Variants in ABCC1 observed in about 807,000 individuals in gnomAD.
The protein encoded by ABCC1 is ATP binding cassette subfamily C member 1 (ABCC1 blood group).
A neutral mutation model predicts 172.9 loss-of-function variants in ABCC1; 83 were observed. The ratio of observed to expected loss-of-function variants is 0.48; its 90% CI spans 0.40 to 0.58. The LOEUF (loss-of-function observed/expected upper bound fraction) is 0.58. Among genes scored for constraint, ABCC1 ranks in the 20% least tolerant of loss-of-function variants. The pLI is 0.00. For synonymous variants in ABCC1, 937 were observed against 825.2 expected (o/e 1.14, Z -2.32); for missense variants, 1,817 against 2,002.7 (o/e 0.91, Z 1.77).
chr16:16,052,587 T>G, intron 10 of ABCC1, 137 bp from the exon 11 acceptor site: 2 of 710,364 alleles, frequency 2.8e-6, no homozygotes, highest in Non-Finnish European at 4.9e-6. Context: ...TAACACCCTA[T>G]TGTGGGGTAA....
At chr16:16,007,472 A>G (rs779076834) in intron 1 of ABCC1, among the ~76,000 whole-genome samples, 1 of 152,062 alleles carries the variant, frequency 6.6e-6, no homozygotes, top group Non-Finnish European at 1.5e-5. Flanking sequence ...TGGTCTGCCC[A>G]CTTGGCCTCC....
chr16:16,131,962 A>C, intron 27 of ABCC1, 27 bp downstream of exon 27: 1 of 1,600,906 alleles, frequency 6.2e-7, no homozygotes, highest in Non-Finnish European at 8.5e-7. Context: ...CCATTCCCTC[A>C]CCCATTCCCA....
intron 15 of ABCC1, 109 bp from the exon 16 acceptor site, chr16:16,079,243 C>T: frequency 1.3e-6 from 2 of 1,502,356 alleles, no homozygotes; most frequent in Non-Finnish European, 1.8e-6. Context: ...GTCTTGCCTT[C>T]TGTCTTTCTC....
intron 19 of ABCC1, among the ~76,000 whole-genome samples, 175 bp from the exon 20 acceptor site, chr16:16,102,452 C>T (rs4148369): frequency 0.12 from 17,573 of 152,206 alleles, 1,172 homozygotes; most frequent in Middle Eastern, 0.22. Context: ...TACCACCTGC[C>T]CCACAACCAG....
chr16:15,996,991 G>C (rs2151659432), intron 1 of ABCC1, among the ~76,000 whole-genome samples: 1 of 152,324 alleles, frequency 6.6e-6, no homozygotes, highest in South Asian at 2.1e-4. Context: ...GAGTGTCAGG[G>C]CTGAGGGCAT....
intron 1 of ABCC1, among the ~76,000 whole-genome samples, chr16:15,981,320 C>T (rs911809178): frequency 1.3e-5 from 2 of 152,230 alleles, no homozygotes; most frequent in Non-Finnish European, 2.9e-5. Flanking sequence ...CCTCTGGCCC[C>T]ACATTTGCCT....
At chr16:15,951,885 G>A (rs1022280889) in intron 1 of ABCC1, among the ~76,000 whole-genome samples, 1 of 152,020 alleles carries the variant, frequency 6.6e-6, no homozygotes, top group Non-Finnish European at 1.5e-5. Context: ...AGACAGATTC[G>A]CACTATATTG....
At chr16:16,017,976 G>A (rs1340702215) in intron 5 of ABCC1, among the ~76,000 whole-genome samples, 2 of 152,218 alleles carry the variant, frequency 1.3e-5, no homozygotes, top group Admixed American at 6.5e-5. Flanking sequence ...GACAGTGGGT[G>A]CCTGAGAGGT....
At chr16:16,039,744 T>G (rs2048900431) in intron 7 of ABCC1, among the ~76,000 whole-genome samples, 1 of 152,108 alleles carries the variant, frequency 6.6e-6, no homozygotes, top group Non-Finnish European at 1.5e-5. Context: ...TGACCATGTA[T>G]GATTGTTTTG....
intron 1 of ABCC1, among the ~76,000 whole-genome samples, chr16:15,954,794 T>TG (rs903959762): frequency 6.6e-5 from 10 of 151,774 alleles, no homozygotes; most frequent in Admixed American, 2.0e-4. Context: ...TGGTGGTAGA[T>TG]GGGGGGGAAG....
intron 1 of ABCC1, among the ~76,000 whole-genome samples, chr16:16,004,609 A>G (rs1368120728): frequency 1.3e-5 from 2 of 149,936 alleles, no homozygotes; most frequent in Non-Finnish European, 3.0e-5. Flanking sequence ...TTGTGTCTTG[A>G]TGTTTCCTGG....
chr16:16,033,313 G>A, intron 6 of ABCC1, 143 bp downstream of exon 6: 1 of 784,694 alleles, frequency 1.3e-6, no homozygotes, highest in Non-Finnish European at 2.1e-6. Context: ...TGCCTGTGCT[G>A]GCCATGTGGT....
rs1202060163 is a variant in ABCC1 at position 16,018,258 on chromosome 16, T to A, written c.615+1637T>A. Among the ~76,000 whole-genome samples, 3 of 151,880 alleles carry A rather than the reference T, an allele frequency of 2.0e-5. No individual in the cohort carries two copies. In the East Asian group the frequency reaches 5.8e-4, roughly 29 times the overall value. Reference sequence around the variant, plus strand: ...TGATAACTAAGAGATTTTAGAAACCTATGTCTCAGGCCAGGTGTGGTGGCT... The same window carrying A: ...TGATAACTAAGAGATTTTAGAAACCAATGTCTCAGGCCAGGTGTGGTGGCT... On this transcript the variant is annotated intron_variant, in intron 5 of 30. Transcript: ENST00000399410.
intron 19 of ABCC1, among the ~76,000 whole-genome samples, chr16:16,097,654 A>G (rs988596913): frequency 6.6e-6 from 1 of 152,190 alleles, no homozygotes; most frequent in Non-Finnish European, 1.5e-5. Flanking sequence ...TTTAGAAAGC[A>G]GCTTTGTCAG....
intron 18 of ABCC1, among the ~76,000 whole-genome samples, chr16:16,089,775 GGA>G (rs2051165200): frequency 1.7e-5 from 2 of 121,066 alleles, no homozygotes; most frequent in Admixed American, 1.7e-4. Flanking sequence ...TACGCGGGAG[GGA>G]GGCTGAGGCA....
Position 16,041,992 on chromosome 16 carries a change from G to A in ABCC1, c.810-2458G>A, listed in dbSNP as rs549008552. ...CTCACCTGTAATCCAGCTACAGGGGGGCTGAAGCATGAGAATTGCTTGAAT... is the reference window on the plus strand; with the variant it reads ...CTCACCTGTAATCCAGCTACAGGGGAGCTGAAGCATGAGAATTGCTTGAAT... On this transcript the variant is annotated intron_variant, in intron 7 of 30. Coordinates refer to ENST00000399410, the MANE Select transcript of ABCC1 (RefSeq NM_004996.4). 7.9e-5 allele frequency among the ~76,000 whole-genome samples: 12 copies of A among 152,104 alleles called. No individual in the cohort carries two copies. In the East Asian group the frequency reaches 2.3e-3, roughly 29 times the overall value.
At chr16:16,046,653 C>G (rs35589) in intron 9 of ABCC1, among the ~76,000 whole-genome samples, 11,564 of 152,122 alleles carry the variant, frequency 0.076, 809 homozygotes, top group East Asian at 0.32. Flanking sequence ...CCTGTTGTCA[C>G]TCTTAATTTG....
intron 1 of ABCC1, among the ~76,000 whole-genome samples, chr16:15,989,944 A>G (rs2046820795): frequency 6.6e-6 from 1 of 150,736 alleles, no homozygotes; most frequent in Non-Finnish European, 1.5e-5. Context: ...TAGCATAATC[A>G]CGTCTCACTG....
intron 1 of ABCC1, among the ~76,000 whole-genome samples, chr16:15,999,481 G>A (rs2047170313): frequency 6.6e-6 from 1 of 151,786 alleles, no homozygotes; most frequent in Admixed American, 6.6e-5. Context: ...CAGGCGTGGT[G>A]GCAGGCGCCT....
Sources: allele counts gnomAD v4.1 joint callset (sites outside exome capture counted in the v4.1 genomes callset), GRCh38; gene constraint gnomAD v4.1.1; transcripts MANE v1.5; gene names NCBI Gene and HGNC (gene_info 2026-07-23, HGNC 2026-07-21).